NRF1: variants seen among roughly 807,000 people sequenced by gnomAD.
The protein encoded by NRF1 is alpha palindromic-binding protein.
In NRF1, 5 loss-of-function variants were observed where a neutral mutation model predicts 58.5. The ratio of observed to expected loss-of-function variants is 0.09; its 90% CI spans 0.04 to 0.18. NRF1 has a LOEUF of 0.18. Ranked by LOEUF, NRF1 falls within the 10% of genes least tolerant of loss-of-function variation. The pLI is 1.00. For missense variants in NRF1, 288 were observed against 657.7 expected, an observed-to-expected ratio of 0.44 and a Z score of 6.15; for synonymous variants, 224 against 246.7, an observed-to-expected ratio of 0.91 and a Z score of 0.86.
chr7:129,750,045 G>GA (rs1211765283), intron 10 of NRF1, among the ~76,000 whole-genome samples: 2 of 152,138 alleles, frequency 1.3e-5, no homozygotes, highest in Non-Finnish European at 2.9e-5. Context: ...GGTCTCAGCA[G>GA]AAGTCAAGTG....
rs1366340683 is a variant in NRF1, at chr7:129,711,588, A to T, written c.1065+12A>T. The T allele has an allele frequency of 1.3e-6, 2 of 1,593,092 alleles. No individual in the cohort carries two copies. Among genetic ancestry groups the T allele is most frequent in the South Asian group, 1.1e-5 (1 of 88,844 alleles). On this transcript the variant is annotated intron_variant, in intron 8 of 10. Transcript: ENST00000393232. Reference sequence around the variant, plus strand: ...TGGCTGATGGAGAGGTAAGAAAGAGATTCCATCTGCATCTTCTTAAATACT... The same window carrying T: ...TGGCTGATGGAGAGGTAAGAAAGAGTTTCCATCTGCATCTTCTTAAATACT...
At chr7:129,614,074 G>A (rs1352682866) in intron 1 of NRF1, among the ~76,000 whole-genome samples, 2 of 152,126 alleles carry the variant, frequency 1.3e-5, no homozygotes, top group Non-Finnish European at 2.9e-5. Flanking sequence ...ACAAAGAAAA[G>A]TTCTTATCCC....
At chr7:129,716,234 A>G (rs1803186267) in intron 8 of NRF1, among the ~76,000 whole-genome samples, 1 of 152,150 alleles carries the variant, frequency 6.6e-6, no homozygotes, top group Non-Finnish European at 1.5e-5. Flanking sequence ...ATACTTCCAT[A>G]TAGCAGGAAT....
chr7:129,723,273 G>A (rs369367679), intron 9 of NRF1, among the ~76,000 whole-genome samples: 7 of 151,806 alleles, frequency 4.6e-5, no homozygotes, highest in Admixed American at 2.6e-4. Context: ...GAGAAACCCC[G>A]TCTCTACTAA....
intron 1 of NRF1, among the ~76,000 whole-genome samples, chr7:129,654,211 C>T (rs1429302497): frequency 6.6e-6 from 1 of 152,150 alleles, no homozygotes; most frequent in Non-Finnish European, 1.5e-5. Flanking sequence ...TTGTAATTCT[C>T]CCTTGACATA....
intron 10 of NRF1, among the ~76,000 whole-genome samples, chr7:129,735,933 G>T (rs1271245664): frequency 1.3e-5 from 2 of 152,140 alleles, no homozygotes; most frequent in Non-Finnish European, 2.9e-5. Context: ...GCGTGAACCT[G>T]GGAGGTGGAG....
intron 1 of NRF1, among the ~76,000 whole-genome samples, chr7:129,631,004 CAT>C (rs1457727101): frequency 1.3e-4 from 20 of 152,072 alleles, no homozygotes; most frequent in African/African-American, 4.8e-4. Context: ...ATGAAACACT[CAT>C]ATGTTGTTTT....
chr7:129,727,466 A>AC, intron 10 of NRF1, 101 bp downstream of exon 10: 1 of 1,247,562 alleles, frequency 8.0e-7, no homozygotes, highest in Non-Finnish European at 1.1e-6. Context: ...TTGAGCTTCG[A>AC]TTTTTTTTTC....
intron 1 of NRF1, among the ~76,000 whole-genome samples, chr7:129,632,045 CAGG>C (rs1292735436): frequency 5.3e-5 from 8 of 152,108 alleles, no homozygotes. Flanking sequence ...GAGGCTAAGT[CAGG>C]AGGACTGCTT....
intron 1 of NRF1, among the ~76,000 whole-genome samples, chr7:129,654,191 C>G (rs974131810): frequency 6.6e-6 from 1 of 152,192 alleles, no homozygotes; most frequent in African/African-American, 2.4e-5. Flanking sequence ...TGATATCTCA[C>G]TGTTTTAATT....
At chr7:129,711,883 T>A (rs1803082106) in intron 8 of NRF1, among the ~76,000 whole-genome samples, 1 of 152,196 alleles carries the variant, frequency 6.6e-6, no homozygotes, top group South Asian at 2.1e-4. Flanking sequence ...TCCCAAAGAA[T>A]TTCATCTTTG....
At chr7:129,688,814 C>T (rs1802501232) in intron 4 of NRF1, among the ~76,000 whole-genome samples, 1 of 152,088 alleles carries the variant, frequency 6.6e-6, no homozygotes, top group Non-Finnish European at 1.5e-5. Context: ...AGAAACTGCC[C>T]CCATGATCCA....
intron 1 of NRF1, among the ~76,000 whole-genome samples, chr7:129,628,205 G>A (rs946064364): frequency 2.0e-5 from 3 of 150,948 alleles, no homozygotes; most frequent in African/African-American, 7.3e-5. Flanking sequence ...CACCACGCCC[G>A]GCTAATTTTT....
At chr7:129,695,589 C>CA (rs1584648736) in intron 5 of NRF1, among the ~76,000 whole-genome samples, 8 of 137,504 alleles carry the variant, frequency 5.8e-5, no homozygotes, top group East Asian at 2.1e-4. Flanking sequence ...AAAAAAAAAA[C>CA]AAAAAAAACT....
chr7:129,670,007 C>T (rs1383891764), intron 2 of NRF1, among the ~76,000 whole-genome samples: 1 of 152,202 alleles, frequency 6.6e-6, no homozygotes, highest in African/African-American at 2.4e-5. Context: ...ACATTATTCA[C>T]CCTTAAAAAC....
At chr7:129,661,259 A>G (rs1801774269) in intron 2 of NRF1, among the ~76,000 whole-genome samples, 1 of 151,308 alleles carries the variant, frequency 6.6e-6, no homozygotes, top group African/African-American at 2.5e-5. Context: ...AAGACCTCTG[A>G]CATGCCCTGG....
intron 1 of NRF1, among the ~76,000 whole-genome samples, chr7:129,642,428 G>A (rs1156655588): frequency 1.3e-5 from 2 of 152,036 alleles, no homozygotes; most frequent in African/African-American, 4.8e-5. Context: ...CTAAACTACT[G>A]TATGTTCTTA....
chr7:129,746,611 G>GT (rs775135305), intron 10 of NRF1, among the ~76,000 whole-genome samples: 8 of 152,112 alleles, frequency 5.3e-5, no homozygotes, highest in Non-Finnish European at 8.8e-5. Flanking sequence ...TATAGATACC[G>GT]TTGCTGGCTC....
Position 129,619,488 on chromosome 7 carries a change from GTGTATATATA to G in NRF1, c.-7+7666_-7+7675del, listed in dbSNP as rs1373405219. Among the ~76,000 whole-genome samples, 14 of 40,616 alleles carry G rather than the reference GTGTATATATA, an allele frequency of 3.4e-4. 1 individual carries two copies. Among genetic ancestry groups the G allele is most frequent in the East Asian group, 8.3e-4 (1 of 1,206 alleles). The allele number at this position is 40,616 out of a possible 152,430, so 26.6% of individuals were successfully genotyped here. ...TGTGTGTGTGTGTGTGTGTGTGTGTGTGTATATATATATATATATATATATGTATTGTTTT... is the reference window on the plus strand; with the variant it reads ...TGTGTGTGTGTGTGTGTGTGTGTGTGTATATATATATATATGTATTGTTTT... On this transcript the variant is annotated intron_variant, in intron 1 of 10. Transcript: ENST00000393232.
Sources: gnomAD v4.1 joint callset for allele counts (sites outside exome capture counted in the v4.1 genomes callset) on GRCh38, gnomAD v4.1.1 for gene constraint, MANE v1.5 for transcripts, NCBI Gene and HGNC (gene_info 2026-07-23, HGNC 2026-07-21) for gene names.